Variants in TFDP1 observed in about 807,000 individuals in gnomAD.
The protein encoded by TFDP1 is transcription factor Dp-1.
A neutral mutation model predicts 48.0 loss-of-function variants in TFDP1; 6 were observed. That is an observed-to-expected ratio of 0.13 (90% CI 0.07 to 0.25). The LOEUF is 0.25. TFDP1 is among the 10% of genes least tolerant of loss of function. TFDP1 has a pLI of 1.00. For synonymous variants in TFDP1, 201 were observed against 211.6 expected (o/e 0.95, Z 0.44); for missense variants, 335 against 543.0 (o/e 0.62, Z 3.81).
At chr13:113,637,319 GAGA>G in intron 10 of TFDP1, 18 of 286,752 alleles carry the variant, frequency 6.3e-5, no homozygotes, top group South Asian at 1.3e-4. Context: ...TTTATTCCCT[GAGA>G]GGGTCAGAGA....
intron 2 of TFDP1, among the ~76,000 whole-genome samples, chr13:113,586,520 G>T (rs2048007817): frequency 6.6e-6 from 1 of 152,236 alleles, no homozygotes; most frequent in African/African-American, 2.4e-5. Context: ...GTCAGTCACT[G>T]AAACACCAGC....
In TFDP1 at chr13:113,640,877, T is replaced by A. The variant is rs1300042990; in HGVS notation, c.*610T>A. 2 of 152,976 alleles carry A rather than the reference T, an allele frequency of 1.3e-5. No homozygotes were observed. Among genetic ancestry groups the A allele is most frequent in the Non-Finnish European group, 2.9e-5 (2 of 68,318 alleles). 9.5% of individuals were successfully genotyped at this position (152,976 alleles called of 1,614,324 possible). On this transcript the variant is annotated 3_prime_UTR_variant, in exon 12 of 12. Coordinates refer to ENST00000375370, the MANE Select transcript of TFDP1 (RefSeq NM_007111.5). ...TTGTGATTCCATCAAGTTTGTACAC[T>A]CTTTTCTCTCCCTGTTTTGCAGCAA...
intron 2 of TFDP1, among the ~76,000 whole-genome samples, chr13:113,588,728 T>A (rs552173241): frequency 1.7e-4 from 26 of 150,108 alleles, no homozygotes; most frequent in Admixed American, 4.6e-4. Flanking sequence ...TGATGGAGAG[T>A]GAGTGGTGGT....
intron 2 of TFDP1, among the ~76,000 whole-genome samples, chr13:113,590,979 C>T (rs2048125847): frequency 7.5e-6 from 1 of 132,454 alleles, no homozygotes; most frequent in African/African-American, 2.9e-5. Flanking sequence ...CACTGCACTC[C>T]AGCCTGGGCG....
rs113638790 is a variant in TFDP1 at position 113,585,752 on chromosome 13, CTTT to C, written c.-64-8_-64-6del. On this transcript the variant is annotated intron_variant, in intron 1 of 11. Coordinates refer to ENST00000375370, the MANE Select transcript of TFDP1 (RefSeq NM_007111.5). ...CTTACTTATTTCTTGTTTTTCCTTA[CTTT>C]TTTTTTTTTTTTTACCAGAAAAATC... 5.9e-3 allele frequency: 6,403 copies of C among 1,081,060 alleles called. No homozygotes were observed. The highest frequency in any genetic ancestry group is 8.3e-3 in the South Asian group (514 of 61,892). The allele number at this position is 1,081,060 out of a possible 1,614,324, so 67.0% of individuals were successfully genotyped here. A position where few individuals can be genotyped will look rare whatever the true frequency, so the allele number is the denominator to read the frequency against.
At chr13:113,634,196 G>C (rs1322720970) in intron 7 of TFDP1, 163 bp downstream of exon 7, 2 of 997,438 alleles carry the variant, frequency 2.0e-6, no homozygotes, top group Non-Finnish European at 3.1e-6. Flanking sequence ...AGTCTTGGCT[G>C]TCAGGGGAGG....
intron 2 of TFDP1, among the ~76,000 whole-genome samples, chr13:113,596,385 C>A (rs1167439752): frequency 1.3e-5 from 2 of 152,148 alleles, no homozygotes; most frequent in Non-Finnish European, 2.9e-5. Context: ...CGTTTTTAAG[C>A]TGAGGGGCCT....
chr13:113,638,724 T>G (rs1258162132), intron 11 of TFDP1, among the ~76,000 whole-genome samples: 1 of 152,208 alleles, frequency 6.6e-6, no homozygotes, highest in African/African-American at 2.4e-5. Context: ...TAGAATGGTG[T>G]CCCTAGGTAT....
intron 3 of TFDP1, among the ~76,000 whole-genome samples, chr13:113,613,801 G>T (rs1007497623): frequency 2.0e-5 from 3 of 150,982 alleles, no homozygotes; most frequent in Non-Finnish European, 4.4e-5. Flanking sequence ...TGTGCGTGTG[G>T]AGTGTCTGTG....
intron 3 of TFDP1, among the ~76,000 whole-genome samples, chr13:113,616,231 G>A (rs1229533313): frequency 6.7e-6 from 1 of 150,080 alleles, no homozygotes; most frequent in African/African-American, 2.5e-5. Flanking sequence ...GAGTAAGTGT[G>A]TAAGTGTACA....
chr13:113,631,589 G>C, intron 4 of TFDP1, 34 bp from the exon 5 acceptor site: 5 of 1,606,902 alleles, frequency 3.1e-6, no homozygotes, highest in Non-Finnish European at 4.2e-6. Flanking sequence ...TGTGGGAGGG[G>C]ACTGACTGTC....
intron 4 of TFDP1, among the ~76,000 whole-genome samples, chr13:113,624,900 G>A (rs574286297): frequency 6.5e-4 from 93 of 143,950 alleles, no homozygotes; most frequent in Admixed American, 9.0e-4. Context: ...CGTGTCCTCC[G>A]GTGTCTCTCA....
intron 4 of TFDP1, among the ~76,000 whole-genome samples, chr13:113,626,233 G>GT (rs1224659083): frequency 1.3e-5 from 2 of 152,174 alleles, no homozygotes; most frequent in African/African-American, 2.4e-5. Flanking sequence ...GTACTGAGCT[G>GT]TTTTTTGTTG....
At chr13:113,634,654 A>T in intron 8 of TFDP1, 52 bp downstream of exon 8, 3 of 1,445,866 alleles carry the variant, frequency 2.1e-6, no homozygotes, top group Middle Eastern at 1.9e-4. Context: ...TTACTAATTT[A>T]GCTTTATAAC....
At chr13:113,609,165 G>C (rs548198189) in intron 2 of TFDP1, among the ~76,000 whole-genome samples, 7 of 152,266 alleles carry the variant, frequency 4.6e-5, no homozygotes, top group Non-Finnish European at 1.0e-4. Flanking sequence ...GGTGCAGTCA[G>C]GTTCTTGCTC....
chr13:113,619,062 G>C (rs1424710986), intron 3 of TFDP1, among the ~76,000 whole-genome samples: 1 of 152,180 alleles, frequency 6.6e-6, no homozygotes, highest in African/African-American at 2.4e-5. Flanking sequence ...TTTTATTTCT[G>C]CTCTTTATGT....
rs562593428 is a variant in TFDP1 at position 113,598,041 on chromosome 13, A to T, written c.12+12192A>T. Among the ~76,000 whole-genome samples the T allele has an allele frequency of 1.3e-5, 2 of 152,142 alleles. No homozygotes were observed. Among genetic ancestry groups the T allele is most frequent in the East Asian group, 3.9e-4 (2 of 5,176 alleles). On this transcript the variant is annotated intron_variant, in intron 2 of 11. Transcript: ENST00000375370. This position sits in a 1 kb window ranked among gnomAD's most constrained non-coding sequence, Gnocchi z 4.2. ...TCAAATGCAGCAGTGACTTCATAAG[A>T]AAAGGGAGTGGAGCCGCCGACATTT...
intron 1 of TFDP1, 31 bp downstream of exon 1, chr13:113,584,919 C>G (rs2047957688): frequency 6.8e-6 from 1 of 146,322 alleles, no homozygotes; most frequent in Non-Finnish European, 1.5e-5. Flanking sequence ...CCGCGGGAGC[C>G]GCGGGCGGGA....
intron 2 of TFDP1, among the ~76,000 whole-genome samples, chr13:113,600,278 G>A (rs1246595869): frequency 6.7e-6 from 1 of 148,860 alleles, no homozygotes; most frequent in African/African-American, 2.5e-5. Context: ...CTCCAGGACC[G>A]CGATAGAGAA....
Sources: allele counts gnomAD v4.1 joint callset (sites outside exome capture counted in the v4.1 genomes callset), GRCh38; gene constraint gnomAD v4.1.1; non-coding constraint Gnocchi (gnomAD v3.1); transcripts MANE v1.5; gene names NCBI Gene and HGNC (gene_info 2026-07-23, HGNC 2026-07-21).